The following ZFHX3 variants were observed in gnomAD, a reference collection of about 807,000 sequenced individuals.
ZFHX3 encodes the protein zinc finger homeobox protein 3.
In ZFHX3, 42 loss-of-function variants were observed where a neutral mutation model predicts 279.1. The observed-to-expected ratio is 0.15, with a 90% CI of 0.12 to 0.19. The LOEUF (loss-of-function observed/expected upper bound fraction) is 0.19, where lower values mean the gene tolerates loss of function less well. Ranked by LOEUF, ZFHX3 falls within the 10% of genes least tolerant of loss-of-function variation. The pLI, the probability that ZFHX3 is intolerant of heterozygous loss-of-function variation, is 1.00. For synonymous variants in ZFHX3, 2,293 were observed against 1,957.8 expected (o/e 1.17, Z -4.52); for missense variants, 4,981 against 4,754.0 (o/e 1.05, Z -1.40).
At chr16:73,018,339 G>T (rs902819461) in intron 1 of ZFHX3, among the ~76,000 whole-genome samples, 13 of 152,060 alleles carry the variant, frequency 8.5e-5, no homozygotes, top group African/African-American at 2.6e-4. Context: ...CGGGTGTGGT[G>T]GCTCACGCCT....
chr16:73,487,199 G>A (rs559573677), intron 2 of ZFHX3, among the ~76,000 whole-genome samples: 13 of 152,318 alleles, frequency 8.5e-5, no homozygotes, highest in Non-Finnish European at 1.9e-4. Context: ...TTCCCGAGTG[G>A]AGGTTCATAA....
chr16:73,410,569 C>G (rs1290265165), intron 3 of ZFHX3, among the ~76,000 whole-genome samples: 1 of 152,098 alleles, frequency 6.6e-6, no homozygotes, highest in African/African-American at 2.4e-5. Flanking sequence ...GTCTTATGTA[C>G]CCCAAAAATA....
chr16:72,866,288 T>G (rs1161204121), intron 4 of ZFHX3, among the ~76,000 whole-genome samples: 1 of 152,182 alleles, frequency 6.6e-6, no homozygotes, highest in African/African-American at 2.4e-5. Context: ...ATAATGACAC[T>G]TTATGTACAT....
At chr16:73,545,471 T>A (rs148791007) in intron 2 of ZFHX3, among the ~76,000 whole-genome samples, 3,158 of 152,278 alleles carry the variant, frequency 0.021, 63 homozygotes, top group South Asian at 0.082. Context: ...TTCTAAGACA[T>A]CCCCTTAGCT....
intron 4 of ZFHX3, among the ~76,000 whole-genome samples, chr16:72,887,970 C>T (rs937038914): frequency 6.6e-6 from 1 of 151,852 alleles, no homozygotes; most frequent in African/African-American, 2.4e-5. Context: ...GGTGTGTACA[C>T]GGGTGGGTTT....
At chr16:73,287,974 T>C (rs1028667441) in intron 4 of ZFHX3, among the ~76,000 whole-genome samples, 2 of 152,092 alleles carry the variant, frequency 1.3e-5, no homozygotes, top group Non-Finnish European at 2.9e-5. Flanking sequence ...CCAAGCCTTC[T>C]TGCTGTCCCC....
At chr16:73,562,266 T>C (rs1016637404) in intron 2 of ZFHX3, among the ~76,000 whole-genome samples, 3 of 152,136 alleles carry the variant, frequency 2.0e-5, no homozygotes, top group African/African-American at 7.2e-5. Context: ...AAGTTCTGAA[T>C]TGCAAAGGGC....
chr16:73,797,586 T>C (rs569425157), intron 1 of ZFHX3, among the ~76,000 whole-genome samples: 38 of 152,258 alleles, frequency 2.5e-4, no homozygotes, highest in African/African-American at 8.9e-4. Flanking sequence ...GTATGATTCA[T>C]TGTATGACAA....
intron 1 of ZFHX3, among the ~76,000 whole-genome samples, chr16:73,009,475 A>T (rs983685959): frequency 2.0e-5 from 3 of 148,350 alleles, no homozygotes; most frequent in African/African-American, 4.9e-5. Flanking sequence ...TCATCTATTT[A>T]AAAAAAAAAC....
At chr16:73,304,458 G>A (rs557972184) in intron 4 of ZFHX3, among the ~76,000 whole-genome samples, 1 of 152,132 alleles carries the variant, frequency 6.6e-6, no homozygotes, top group Non-Finnish European at 1.5e-5. Context: ...CAGAGAGGCA[G>A]GGTTGTCTGC....
chr16:73,264,155 A>C (rs1273142335), intron 4 of ZFHX3, among the ~76,000 whole-genome samples: 1 of 152,200 alleles, frequency 6.6e-6, no homozygotes, highest in East Asian at 1.9e-4. Flanking sequence ...CAACAGAGCA[A>C]GACTCTATCT....
intron 1 of ZFHX3, among the ~76,000 whole-genome samples, chr16:72,990,216 C>T (rs560974145): frequency 6.6e-6 from 1 of 152,292 alleles, no homozygotes; most frequent in Admixed American, 6.5e-5. Flanking sequence ...CCAGTAAACC[C>T]GTCCCTTGGC....
At chr16:73,715,125 G>A (rs2053401783) in intron 1 of ZFHX3, among the ~76,000 whole-genome samples, 1 of 152,106 alleles carries the variant, frequency 6.6e-6, no homozygotes, top group South Asian at 2.1e-4. Flanking sequence ...TTGTACTTGT[G>A]TCACATGATG....
In ZFHX3 at chr16:73,714,542, C is replaced by T. The variant is rs1049040668; in HGVS notation, c.-1607-34302G>A. ...CCATCCAGCCCAGTGTCCTCCGAAT[C>T]ACCCCATCTCCCGATTCTCTTCCTG... On this transcript the variant is annotated intron_variant, in intron 1 of 17. Coordinates refer to the ZFHX3 transcript ENST00000641206. 2.6e-5 allele frequency among the ~76,000 whole-genome samples: 4 copies of T among 152,184 alleles called. No homozygotes were observed. The East Asian group carries it at 5.8e-4, about 22-fold the overall frequency.
chr16:72,932,496 T>G (rs1959872197), intron 3 of ZFHX3, among the ~76,000 whole-genome samples: 1 of 151,872 alleles, frequency 6.6e-6, no homozygotes, highest in Non-Finnish European at 1.5e-5. Flanking sequence ...AAACACACAC[T>G]TAGTGCTTGA....
intron 3 of ZFHX3, among the ~76,000 whole-genome samples, chr16:72,923,993 G>C (rs1435713413): frequency 1.3e-5 from 2 of 152,114 alleles, no homozygotes; most frequent in Non-Finnish European, 1.5e-5. Context: ...TTCACAAGTG[G>C]GTTAGCCGTC....
intron 5 of ZFHX3, among the ~76,000 whole-genome samples, chr16:73,147,938 T>C (rs76848270): frequency 2.6e-5 from 4 of 152,282 alleles, no homozygotes; most frequent in African/African-American, 4.8e-5. Flanking sequence ...ATATGAGGTG[T>C]TGGATAATAT....
At chr16:72,986,319 GA>G (rs1337091385) in intron 1 of ZFHX3, among the ~76,000 whole-genome samples, 1 of 152,214 alleles carries the variant, frequency 6.6e-6, no homozygotes, top group Non-Finnish European at 1.5e-5. Flanking sequence ...TTTATCGATG[GA>G]GGGGGGCTGC....
At chr16:73,727,698 C>T (rs980690469) in intron 1 of ZFHX3, among the ~76,000 whole-genome samples, 5 of 152,144 alleles carry the variant, frequency 3.3e-5, no homozygotes, top group African/African-American at 1.2e-4. Flanking sequence ...CTACCCTTTA[C>T]CTTCAACCTC....
Sources: allele counts gnomAD v4.1 joint callset (sites outside exome capture counted in the v4.1 genomes callset), GRCh38; gene constraint gnomAD v4.1.1; transcripts MANE v1.5; gene names NCBI Gene and HGNC (gene_info 2026-07-23, HGNC 2026-07-21).